The following FCGR3A variants were observed in gnomAD, a reference collection of about 807,000 sequenced individuals.
FCGR3A encodes the protein low affinity immunoglobulin gamma Fc region receptor III-A.
A neutral mutation model predicts 24.1 loss-of-function variants in FCGR3A; 13 were observed. The ratio of observed to expected loss-of-function variants is 0.54; its 90% CI spans 0.35 to 0.86. The LOEUF is 0.86. Among genes scored for constraint, FCGR3A ranks in the 40% least tolerant of loss-of-function variants. FCGR3A has a pLI of 0.01. For synonymous variants in FCGR3A, 93 were observed against 112.2 expected (o/e 0.83, Z 1.08); for missense variants, 235 against 298.0 (o/e 0.79, Z 1.56).
chr1:161,550,497 G>C (rs1315624632), upstream of FCGR3A: 1 of 154,190 alleles, frequency 6.5e-6, no homozygotes, highest in African/African-American at 2.4e-5. Flanking sequence ...AGAAAAGGTG[G>C]GGGTGGGGAG....
rs1677640265 is a variant in FCGR3A at position 161,549,554 on chromosome 1, G to C, written c.40+143C>G. On this transcript the variant is annotated intron_variant, in intron 1 of 4. Transcript: ENST00000443193. ...CTCATTTCTAGCCCCATCTTGGCTT[G>C]TCCTAGGAGCTCAATCCACAGCTAT... The C allele has an allele frequency of 4.8e-6, 7 of 1,460,488 alleles. No homozygotes were observed. The South Asian group carries it at 1.0e-4, about 22-fold the overall frequency. 90.5% of individuals were successfully genotyped at this position (1,460,488 alleles called of 1,614,324 possible).
chr1:161,543,706 G>T (rs558430617), intron 4 of FCGR3A, among the ~76,000 whole-genome samples: 2 of 152,328 alleles, frequency 1.3e-5, no homozygotes, highest in South Asian at 4.2e-4. Flanking sequence ...CCACTTGGGA[G>T]TATTTACTTT....
chr1:161,547,211 G>C (rs1186825948), intron 3 of FCGR3A, among the ~76,000 whole-genome samples: 4 of 152,064 alleles, frequency 2.6e-5, no homozygotes, highest in Admixed American at 2.6e-4. Flanking sequence ...AGCTAGAAAT[G>C]GACATATCTT....
In FCGR3A at chr1:161,546,789, C is replaced by T. The variant is rs1572018147; in HGVS notation, c.319+1632G>A. On this transcript the variant is annotated intron_variant, in intron 3 of 4. Coordinates refer to ENST00000443193, the MANE Select transcript of FCGR3A (RefSeq NM_000569.8). ...GCGTGGTGGCATGCACCTGTAGTCC[C>T]AGCTACTTGGGAGGCTGAGGCAGGA... Among the ~76,000 whole-genome samples the T allele has an allele frequency of 5.9e-5, 9 of 152,010 alleles. No homozygotes were observed. In the South Asian group the frequency reaches 1.9e-3, roughly 32 times the overall value.
rs12742505 is a variant in FCGR3A, at chr1:161,546,264, G to A, written c.320-1306C>T. Among the ~76,000 whole-genome samples, 11 of 152,176 alleles carry A rather than the reference G, an allele frequency of 7.2e-5. No homozygotes were observed. The East Asian group carries it at 7.7e-4, about 11-fold the overall frequency. ...TATCTATCCACTTACTTTTTCAGCA[G>A]AGAGATGAATCATTATTAGCATAAA... On this transcript the variant is annotated intron_variant, in intron 3 of 4. Transcript: ENST00000443193.
Position 161,546,719 on chromosome 1 carries a change from C to T in FCGR3A, c.319+1702G>A, listed in dbSNP as rs188675008. Among the ~76,000 whole-genome samples the T allele has an allele frequency of 3.4e-3, 519 of 151,858 alleles. 5 individuals are homozygous for T. The highest frequency in any genetic ancestry group is 0.01 in the African/African-American group (429 of 41,406). On this transcript the variant is annotated intron_variant, in intron 3 of 4. Coordinates refer to ENST00000443193, the MANE Select transcript of FCGR3A (RefSeq NM_000569.8). ...AGGAGATCAAGACCATCCTGGCTAA[C>T]GCTGCGAAACCCTGTCTCTACTAAA...
intron 3 of FCGR3A, among the ~76,000 whole-genome samples, chr1:161,547,813 T>C (rs1677496634): frequency 6.6e-6 from 1 of 152,308 alleles, no homozygotes; most frequent in African/African-American, 2.4e-5. Context: ...CTCACGCCTG[T>C]AGTCCCAGCA....
chr1:161,543,155 G>A lies in FCGR3A; in HGVS notation c.622C>T (p.Gln208Ter), dbSNP rs754916857. The change falls in exon 5 of 5, where the codon CAA (glutamine) becomes TAA (stop). Residue 208 changes from glutamine to a stop codon, truncating the protein, a stop_gained. Coordinates refer to ENST00000443193, the MANE Select transcript of FCGR3A (RefSeq NM_000569.8). LOFTEE classifies it low-confidence loss of function (END_TRUNC). ...TISSFFPPGY[Q>*]VSFCLVMVLL... Reference sequence around the variant, plus strand: ...ACCATCACCAAGCAGAAAGAGACTTGGTACCCAGGTGGAAAGAATGATGAG... The same window carrying A: ...ACCATCACCAAGCAGAAAGAGACTTAGTACCCAGGTGGAAAGAATGATGAG... 3.1e-6 allele frequency: 5 copies of A among 1,613,268 alleles called. No individual in the cohort carries two copies. The African/African-American group carries it at 4.0e-5, about 13-fold the overall frequency.
At position 161,542,954 on chromosome 1, in the gene FCGR3A, C is replaced by T. The variant is rs1677185840; in HGVS notation, c.*58G>A. 7.1e-7 allele frequency: 1 copy of T among 1,412,740 alleles called. No homozygotes were observed. The highest frequency in any genetic ancestry group is 1.4e-5 in the African/African-American group (1 of 69,646). 87.5% of individuals were successfully genotyped at this position (1,412,740 alleles called of 1,614,324 possible). A position where few individuals can be genotyped will look rare whatever the true frequency, so the allele number is the denominator to read the frequency against. On this transcript the variant is annotated 3_prime_UTR_variant, in exon 5 of 5. Transcript: ENST00000443193. ...CCTGAGGATGATGGGGTTGCAAATC[C>T]AGAGAAATGTTCAGAGATGCTGCTG...
intron 3 of FCGR3A, among the ~76,000 whole-genome samples, chr1:161,546,530 A>T (rs1368357554): frequency 2.0e-5 from 3 of 152,088 alleles, no homozygotes; most frequent in Non-Finnish European, 4.4e-5. Context: ...TCACAATACA[A>T]TATGACAAGT....
At chr1:161,549,993 G>T (rs571498108), upstream of FCGR3A, 11 of 820,578 alleles carry the variant, frequency 1.3e-5, no homozygotes, top group Non-Finnish European at 2.1e-5. Context: ...TCCCTCAAAG[G>T]TCTGTGGCTG....
At chr1:161,545,235 C>T (rs1031336482) in intron 3 of FCGR3A, among the ~76,000 whole-genome samples, 4 of 152,236 alleles carry the variant, frequency 2.6e-5, no homozygotes, top group Admixed American at 2.0e-4. Context: ...TGAGAAGCAA[C>T]GATGAGCATA....
rs1429554437 is a variant in FCGR3A, at chr1:161,548,559, A to G, written c.181T>C (p.Phe61Leu). The G allele has an allele frequency of 1.2e-6, 2 of 1,614,018 alleles. No homozygotes were observed. Among genetic ancestry groups the G allele is most frequent in the African/African-American group, 2.7e-5 (2 of 75,056 alleles). The change falls in exon 3 of 5, where the codon TTT becomes CTT. Residue 61 changes from phenylalanine to leucine, a missense_variant. Transcript: ENST00000443193. ...YSPEDNSTQW[F>L]HNESLISSQA... is the part of the protein sequence containing the mutation. Reference sequence around the variant, plus strand: ...CTTGAGATGAGGCTCTCATTGTGAAACCACTGTGTGGAATTGTCCTCAGGG... The same window carrying G: ...CTTGAGATGAGGCTCTCATTGTGAAGCCACTGTGTGGAATTGTCCTCAGGG...
In FCGR3A at chr1:161,543,228, A is replaced by T. The variant is rs769948428; in HGVS notation, c.578-29T>A. ...TTAGGAGAAGTGGAGAGATGAAAAA[A>T]AATGACAGTCACTAAGGCAGATATT... On this transcript the variant is annotated intron_variant, in intron 4 of 4. Transcript: ENST00000443193. 15 of 1,604,456 alleles carry T rather than the reference A, an allele frequency of 9.3e-6. No individual in the cohort carries two copies. The South Asian group carries it at 1.7e-4, about 18-fold the overall frequency.
chr1:161,545,343 G>C (rs1198349732), intron 3 of FCGR3A: 1 of 218,836 alleles, frequency 4.6e-6, no homozygotes, highest in African/African-American at 2.3e-5. Context: ...ATTTGAAAAT[G>C]ATGAATTGCC....
chr1:161,545,016 T>G, intron 3 of FCGR3A, 58 bp from the exon 4 acceptor site: 1 of 1,592,252 alleles, frequency 6.3e-7, no homozygotes, highest in Non-Finnish European at 8.6e-7. Flanking sequence ...CAGAGCTTTG[T>G]GAAGGGGCCA....
chr1:161,550,379 T>A (rs1435931913), upstream of FCGR3A, among the ~76,000 whole-genome samples: 1 of 152,212 alleles, frequency 6.6e-6, no homozygotes, highest in Non-Finnish European at 1.5e-5. Context: ...AGCTACTGAC[T>A]TTTTAGTGTG....
intron 1 of FCGR3A, among the ~76,000 whole-genome samples, chr1:161,549,476 G>T (rs1677636909): frequency 6.6e-6 from 1 of 152,002 alleles, no homozygotes; most frequent in Non-Finnish European, 1.5e-5. Flanking sequence ...ACCCAGAGGG[G>T]TGAAGTGACT....
intron 3 of FCGR3A, among the ~76,000 whole-genome samples, chr1:161,546,732 T>C (rs772322846): frequency 2.0e-5 from 3 of 151,792 alleles, no homozygotes; most frequent in Admixed American, 1.3e-4. Flanking sequence ...TGCGAAACCC[T>C]GTCTCTACTA....
Sources: gnomAD v4.1 joint callset for allele counts (sites outside exome capture counted in the v4.1 genomes callset) on GRCh38, gnomAD v4.1.1 for gene constraint, MANE v1.5 for transcripts, NCBI Gene and HGNC (gene_info 2026-07-23, HGNC 2026-07-21) for gene names.